The following SLC4A10 variants were observed in gnomAD, a reference collection of about 807,000 sequenced individuals.
SLC4A10 encodes the protein sodium-driven chloride bicarbonate exchanger.
A neutral mutation model predicts 137.7 loss-of-function variants in SLC4A10; 42 were observed. The ratio of observed to expected loss-of-function variants is 0.30; its 90% confidence interval spans 0.24 to 0.39. The LOEUF is 0.39. Ranked by LOEUF, SLC4A10 falls within the 10% of genes least tolerant of loss-of-function variation. The pLI is 1.00. For missense variants in SLC4A10, 925 were observed against 1,355.0 expected (o/e 0.68, Z 4.98); for synonymous variants, 474 against 464.1 (o/e 1.02, Z -0.27).
At chr2:161,632,652 C>A (rs1473619126) in intron 1 of SLC4A10, among the ~76,000 whole-genome samples, 1 of 151,334 alleles carries the variant, frequency 6.6e-6, no homozygotes, top group South Asian at 2.1e-4. Context: ...CTCTTGAGGA[C>A]CACCTGCATC....
At chr2:161,782,574 T>C (rs2053161950) in intron 2 of SLC4A10, among the ~76,000 whole-genome samples, 1 of 151,352 alleles carries the variant, frequency 6.6e-6, no homozygotes, top group South Asian at 2.1e-4. Context: ...AGAATAACTG[T>C]CATAAAGATG....
chr2:161,832,483 A>G (rs1395462845), intron 3 of SLC4A10, among the ~76,000 whole-genome samples: 1 of 152,168 alleles, frequency 6.6e-6, no homozygotes, highest in Non-Finnish European at 1.5e-5. Flanking sequence ...AAACTTGTGG[A>G]CCAAATTGTC....
At chr2:161,716,412 T>A (rs1451161890) in intron 1 of SLC4A10, among the ~76,000 whole-genome samples, 1 of 152,190 alleles carries the variant, frequency 6.6e-6, no homozygotes, top group Non-Finnish European at 1.5e-5. Context: ...CCCGTGCCTA[T>A]GTCCTGAATG....
rs534907138 is a variant in SLC4A10, at chr2:161,907,632, G to A, written c.1997+1745G>A. On this transcript the variant is annotated intron_variant, in intron 15 of 26. Transcript: ENST00000446997. ...GGAGAGCACCTAACCCAGATTTGAG[G>A]TTCAGAGAAGGCTTCCTGGAGGAAA... 3.3e-5 allele frequency among the ~76,000 whole-genome samples: 5 copies of A among 152,294 alleles called. No homozygotes were observed. In the South Asian group the frequency reaches 1.0e-3, roughly 32 times the overall value.
intron 2 of SLC4A10, among the ~76,000 whole-genome samples, chr2:161,775,639 A>G (rs1450449112): frequency 2.0e-5 from 3 of 151,848 alleles, no homozygotes; most frequent in Admixed American, 6.6e-5. Flanking sequence ...ATGCATGAAG[A>G]GGTGAGGCGA....
chr2:161,788,852 G>T (rs2053912642), intron 2 of SLC4A10, among the ~76,000 whole-genome samples: 1 of 152,160 alleles, frequency 6.6e-6, no homozygotes, highest in Non-Finnish European at 1.5e-5. Flanking sequence ...CTGCCACGAA[G>T]AGTGCTGGAA....
At chr2:161,758,118 T>C (rs919476742) in intron 1 of SLC4A10, among the ~76,000 whole-genome samples, 6 of 151,950 alleles carry the variant, frequency 3.9e-5, no homozygotes, top group African/African-American at 1.2e-4. Flanking sequence ...TTAAGAAAGT[T>C]ATTTTGCTTA....
At chr2:161,834,660 TACACACAC>T (rs72327926) in intron 3 of SLC4A10, among the ~76,000 whole-genome samples, 111 of 141,014 alleles carry the variant, frequency 7.9e-4, no homozygotes, top group African/African-American at 2.6e-3. Context: ...CTTTATCGCC[TACACACAC>T]ACACACACAC....
intron 16 of SLC4A10, among the ~76,000 whole-genome samples, chr2:161,946,696 GA>G (rs34299162): frequency 0.27 from 40,655 of 151,748 alleles, 6,965 homozygotes; most frequent in Admixed American, 0.39. Flanking sequence ...TTTCCTGGAG[GA>G]AAAAAATTTT....
intron 1 of SLC4A10, among the ~76,000 whole-genome samples, chr2:161,712,461 T>C (rs1406207342): frequency 6.6e-6 from 1 of 151,836 alleles, no homozygotes; most frequent in Non-Finnish European, 1.5e-5. Context: ...GATTTAGTGA[T>C]ACTTAGTCAT....
chr2:161,956,188 A>T (rs1695631350), intron 19 of SLC4A10, among the ~76,000 whole-genome samples: 1 of 152,198 alleles, frequency 6.6e-6, no homozygotes, highest in East Asian at 1.9e-4. Context: ...ATGATTTACA[A>T]CATCAACTAA....
Position 161,828,208 on chromosome 2 carries a change from T to C in SLC4A10, c.278-11581T>C, listed in dbSNP as rs1460681841. 2.0e-5 allele frequency among the ~76,000 whole-genome samples: 3 copies of C among 152,230 alleles called. No homozygotes were observed. In the East Asian group the frequency reaches 5.8e-4, roughly 29 times the overall value. ...GCCTGCGCATTTGGACTTGTGCTCA[T>C]TACATGATGCAAACTAGTGTGATAA... On this transcript the variant is annotated intron_variant, in intron 3 of 26. Transcript: ENST00000446997.
intron 15 of SLC4A10, among the ~76,000 whole-genome samples, chr2:161,938,709 G>GA (rs1184618720): frequency 6.6e-4 from 83 of 125,252 alleles, no homozygotes; most frequent in Middle Eastern, 4.3e-3. Flanking sequence ...TTATAGAAGA[G>GA]AAAAAAAAAA....
At chr2:161,757,276 A>G (rs1056099579) in intron 1 of SLC4A10, among the ~76,000 whole-genome samples, 1 of 152,202 alleles carries the variant, frequency 6.6e-6, no homozygotes, top group Non-Finnish European at 1.5e-5. Flanking sequence ...GACATTAAAT[A>G]AAGAATTTTG....
intron 15 of SLC4A10, among the ~76,000 whole-genome samples, chr2:161,940,548 T>C (rs1692488359): frequency 6.6e-6 from 1 of 152,180 alleles, no homozygotes; most frequent in South Asian, 2.1e-4. Context: ...TCCCTAGCTC[T>C]GAAGCCGCGC....
At chr2:161,789,220 T>C (rs1337344465) in intron 2 of SLC4A10, among the ~76,000 whole-genome samples, 1 of 152,170 alleles carries the variant, frequency 6.6e-6, no homozygotes, top group Non-Finnish European at 1.5e-5. Context: ...CCAACTGCAT[T>C]GCCTGGGATT....
intron 23 of SLC4A10, among the ~76,000 whole-genome samples, chr2:161,972,386 T>A (rs1443683578): frequency 6.6e-6 from 1 of 152,188 alleles, no homozygotes; most frequent in Admixed American, 6.5e-5. Context: ...GTAATATATT[T>A]CATATATTAT....
intron 1 of SLC4A10, among the ~76,000 whole-genome samples, chr2:161,719,574 A>T (rs1474826249): frequency 6.6e-6 from 1 of 151,970 alleles, no homozygotes; most frequent in Non-Finnish European, 1.5e-5. Context: ...TTGTTTCCTG[A>T]CTTTTTAATG....
At chr2:161,898,808 G>A (rs2063783057) in intron 11 of SLC4A10, among the ~76,000 whole-genome samples, 1 of 152,100 alleles carries the variant, frequency 6.6e-6, no homozygotes, top group South Asian at 2.1e-4. Context: ...TGAAGCTGAA[G>A]GAAAACATGT....
Sources: allele counts gnomAD v4.1 joint callset (sites outside exome capture counted in the v4.1 genomes callset), GRCh38; gene constraint gnomAD v4.1.1; transcripts MANE v1.5; gene names NCBI Gene and HGNC (gene_info 2026-07-23, HGNC 2026-07-21).